STIM2: variants seen among roughly 807,000 people sequenced by gnomAD.
STIM2 encodes the protein stromal interaction molecule 2.
In STIM2, 31 loss-of-function variants were observed where a neutral mutation model predicts 85.8. The observed-to-expected ratio is 0.36, with a 90% CI of 0.27 to 0.49. STIM2 has a LOEUF of 0.49. STIM2 is among the 20% of genes least tolerant of loss of function. The pLI, the probability that STIM2 is intolerant of heterozygous loss-of-function variation, is 0.98. For missense variants in STIM2, 841 were observed against 927.6 expected (o/e 0.91, Z 1.21); for synonymous variants, 356 against 331.1 (o/e 1.08, Z -0.82).
chr4:26,957,307 T>G (rs1203398489), intron 2 of STIM2, among the ~76,000 whole-genome samples: 3 of 152,078 alleles, frequency 2.0e-5, no homozygotes, highest in Non-Finnish European at 4.4e-5. Flanking sequence ...AACCCACAGA[T>G]AAGGAGGGGG....
intron 2 of STIM2, among the ~76,000 whole-genome samples, chr4:26,951,667 T>C (rs572299838): frequency 2.0e-5 from 3 of 152,294 alleles, no homozygotes; most frequent in East Asian, 1.9e-4. Context: ...TACTAAAGTT[T>C]AGCAAATAAA....
At chr4:26,972,533 G>A (rs1726998944) in intron 3 of STIM2, among the ~76,000 whole-genome samples, 1 of 152,106 alleles carries the variant, frequency 6.6e-6, no homozygotes, top group African/African-American at 2.4e-5. Context: ...TTTATATGCT[G>A]GATTACGTTC....
intron 2 of STIM2, among the ~76,000 whole-genome samples, chr4:26,933,612 G>T (rs1442784783): frequency 6.6e-6 from 1 of 150,994 alleles, no homozygotes; most frequent in African/African-American, 2.4e-5. Context: ...ATATGCTTTG[G>T]GTTTTGCAGA....
intron 1 of STIM2, among the ~76,000 whole-genome samples, chr4:26,904,437 A>G (rs1276746870): frequency 6.6e-6 from 1 of 152,176 alleles, no homozygotes; most frequent in East Asian, 1.9e-4. Context: ...GAGAAGGAGC[A>G]GTCAGTAAGG....
intron 10 of STIM2, among the ~76,000 whole-genome samples, chr4:27,009,417 T>G (rs1286962571): frequency 1.3e-5 from 2 of 152,130 alleles, no homozygotes; most frequent in Non-Finnish European, 2.9e-5. Context: ...CAAATCAGTG[T>G]GGGAATGAAG....
chr4:26,943,879 ATAAC>A (rs1395989406), intron 2 of STIM2, among the ~76,000 whole-genome samples: 1 of 152,164 alleles, frequency 6.6e-6, no homozygotes, highest in Admixed American at 6.6e-5. Flanking sequence ...CAATACCAGC[ATAAC>A]TAGTCAGGAT....
intron 1 of STIM2, among the ~76,000 whole-genome samples, chr4:26,891,554 TACATACACACACACACAC>T (rs1723481982): frequency 2.7e-5 from 3 of 112,198 alleles, no homozygotes; most frequent in African/African-American, 1.2e-4. Context: ...TGTGTATACA[TACATACACACACACACAC>T]ACACACACAC....
chr4:26,994,284 C>T (rs1198365636), intron 3 of STIM2, among the ~76,000 whole-genome samples: 1 of 152,058 alleles, frequency 6.6e-6, no homozygotes, highest in Admixed American at 6.6e-5. Context: ...TGCTCGTTTC[C>T]CCAATCTTTT....
At chr4:27,000,274 G>T (rs1415519299) in intron 5 of STIM2, among the ~76,000 whole-genome samples, 1 of 152,046 alleles carries the variant, frequency 6.6e-6, no homozygotes, top group Non-Finnish European at 1.5e-5. Flanking sequence ...TTTTGGCTTG[G>T]GCTAAAAGAG....
At chr4:26,957,450 A>G (rs941545583) in intron 2 of STIM2, among the ~76,000 whole-genome samples, 162 bp from the exon 3 acceptor site, 6 of 152,166 alleles carry the variant, frequency 3.9e-5, no homozygotes, top group Admixed American at 2.6e-4. Context: ...TTCATTAAAT[A>G]CATTTTACAA....
chr4:26,885,859 A>ATATGTATATATATATATATATATG lies in STIM2; in HGVS notation c.151+24493_151+24494insGTATATATATATATATATATGTAT, dbSNP rs1553845027. On this transcript the variant is annotated intron_variant, in intron 1 of 11. Coordinates refer to ENST00000467087, the MANE Select transcript of STIM2 (RefSeq NM_020860.4). ...TATATATATATATATATATATATAT[A>ATATGTATATATATATATATATATG]TATATATATATATATGTATATGTCT... is the stretch of plus-strand genomic sequence containing the variant. Among the ~76,000 whole-genome samples the ATATGTATATATATATATATATATG allele has an allele frequency of 3.0e-3, 271 of 89,398 alleles. 10 individuals carry two copies. The highest frequency in any genetic ancestry group is 4.3e-3 in the South Asian group (11 of 2,544). 58.6% of individuals were successfully genotyped at this position (89,398 alleles called of 152,430 possible).
intron 1 of STIM2, among the ~76,000 whole-genome samples, chr4:26,871,589 G>A (rs1030610169): frequency 3.3e-5 from 5 of 151,914 alleles, no homozygotes; most frequent in African/African-American, 1.2e-4. Flanking sequence ...CAGTAAGTGC[G>A]TAATTTCTGT....
chr4:26,920,597 G>A (rs972747893), intron 2 of STIM2, among the ~76,000 whole-genome samples: 2 of 152,010 alleles, frequency 1.3e-5, no homozygotes, highest in African/African-American at 4.8e-5. Context: ...TTATTATCTC[G>A]TGATGTAACA....
intron 2 of STIM2, among the ~76,000 whole-genome samples, chr4:26,922,710 G>C (rs2109068098): frequency 6.6e-6 from 1 of 152,138 alleles, no homozygotes; most frequent in African/African-American, 2.4e-5. Flanking sequence ...CAGTGGGTGG[G>C]ACTTAAAGTT....
intron 3 of STIM2, among the ~76,000 whole-genome samples, chr4:26,993,966 A>AT (rs1436621791): frequency 6.6e-6 from 1 of 152,154 alleles, no homozygotes. Flanking sequence ...AAGACTTAAG[A>AT]AAATGCATAC....
chr4:26,889,053 A>G (rs1723364975), intron 1 of STIM2, among the ~76,000 whole-genome samples: 1 of 152,216 alleles, frequency 6.6e-6, no homozygotes, highest in Non-Finnish European at 1.5e-5. Flanking sequence ...TAAGGCCTCT[A>G]GACCAGCAGA....
chr4:26,861,181 C>T lies in STIM2; in HGVS notation c.-38C>T, dbSNP rs771417725. ...CATCCCGCCTCGACTCCTGGCCCAG[C>T]GTGGGGCTGGCTGCTGCGGCGGCGG... is the stretch of plus-strand genomic sequence containing the variant. On this transcript the variant is annotated 5_prime_UTR_variant, in exon 1 of 12. Coordinates refer to ENST00000467087, the MANE Select transcript of STIM2 (RefSeq NM_020860.4). 3 of 1,426,212 alleles carry T rather than the reference C, an allele frequency of 2.1e-6. 1 individual carries two copies. The highest frequency in any genetic ancestry group is 2.8e-5 in the South Asian group (2 of 70,458). 88.3% of individuals were successfully genotyped at this position (1,426,212 alleles called of 1,614,324 possible). A position where few individuals can be genotyped will look rare whatever the true frequency, so the allele number is the denominator to read the frequency against.
At chr4:26,895,178 C>T (rs766230210) in intron 1 of STIM2, among the ~76,000 whole-genome samples, 2 of 152,222 alleles carry the variant, frequency 1.3e-5, no homozygotes, top group Non-Finnish European at 2.9e-5. Context: ...CGCCACTGCA[C>T]TCCAGCCTAG....
intron 1 of STIM2, among the ~76,000 whole-genome samples, chr4:26,861,899 C>T (rs1377718329): frequency 6.6e-6 from 1 of 151,914 alleles, no homozygotes; most frequent in Non-Finnish European, 1.5e-5. Context: ...ATTAGTGGTT[C>T]CGTGTTAGTA....
Sources: allele counts gnomAD v4.1 joint callset (sites outside exome capture counted in the v4.1 genomes callset), GRCh38; gene constraint gnomAD v4.1.1; transcripts MANE v1.5; gene names NCBI Gene and HGNC (gene_info 2026-07-23, HGNC 2026-07-21).